TLL1: variants seen among roughly 807,000 people sequenced by gnomAD.
The protein encoded by TLL1 is tolloid like 1, also known as tolloid-like protein 1.
In TLL1, 49 loss-of-function variants were observed where a neutral mutation model predicts 128.2. That is an observed-to-expected ratio of 0.38 (90% CI 0.30 to 0.48). The LOEUF (loss-of-function observed/expected upper bound fraction) is 0.48. Among genes scored for constraint, TLL1 ranks in the 20% least tolerant of loss-of-function variants. The pLI is 0.96. For missense variants in TLL1, 1,123 were observed against 1,242.0 expected (o/e 0.90, Z 1.44); for synonymous variants, 454 against 418.8 (o/e 1.08, Z -1.03).
chr4:165,956,532 AG>A (rs1251730887), intron 1 of TLL1, among the ~76,000 whole-genome samples: 2 of 151,984 alleles, frequency 1.3e-5, no homozygotes, highest in African/African-American at 4.8e-5. Context: ...CAAGAAGAAA[AG>A]TGACTTTTTT....
chr4:165,988,804 T>C (rs527882187), intron 1 of TLL1, among the ~76,000 whole-genome samples: 4 of 152,196 alleles, frequency 2.6e-5, no homozygotes, highest in Middle Eastern at 6.8e-3. Context: ...TTGGTAGTTA[T>C]ATATCCATTT....
At chr4:165,938,989 C>A (rs1050456369) in intron 1 of TLL1, among the ~76,000 whole-genome samples, 6 of 151,050 alleles carry the variant, frequency 4.0e-5, no homozygotes, top group South Asian at 2.1e-4. Flanking sequence ...CCTCAGAATT[C>A]TTTTTCTCTC....
In TLL1 at chr4:165,938,052, A is replaced by G. The variant is rs149676858; in HGVS notation, c.170-51329A>G. On this transcript the variant is annotated intron_variant, in intron 1 of 20. Transcript: ENST00000061240. ...TAGATTATGTATTAACGTTGGCATT[A>G]CGGGTTGATACTTTCTGGTACACCA... 4.6e-3 allele frequency among the ~76,000 whole-genome samples: 698 copies of G among 152,098 alleles called. 7 individuals carry two copies. Among genetic ancestry groups the G allele is most frequent in the African/African-American group, 0.016 (660 of 41,522 alleles).
At chr4:165,884,993 A>G (rs980870518) in intron 1 of TLL1, among the ~76,000 whole-genome samples, 6 of 152,150 alleles carry the variant, frequency 3.9e-5, no homozygotes, top group Non-Finnish European at 8.8e-5. Flanking sequence ...TTCTACATTT[A>G]TAGGTCAGTA....
At chr4:166,012,876 T>C (rs995199455) in intron 7 of TLL1, among the ~76,000 whole-genome samples, 2 of 151,786 alleles carry the variant, frequency 1.3e-5, no homozygotes, top group African/African-American at 4.8e-5. Flanking sequence ...TAGTGTTATC[T>C]ATAGATCAGT....
At chr4:165,976,630 TTAGATA>T (rs1391435056) in intron 1 of TLL1, among the ~76,000 whole-genome samples, 14 of 152,190 alleles carry the variant, frequency 9.2e-5, no homozygotes, top group African/African-American at 3.4e-4. Context: ...ACTAATTCTA[TTAGATA>T]TAAAGATTCA....
chr4:165,887,351 C>T (rs1731209088), intron 1 of TLL1, among the ~76,000 whole-genome samples: 1 of 151,948 alleles, frequency 6.6e-6, no homozygotes, highest in Admixed American at 6.6e-5. Flanking sequence ...TGTCAGTAGC[C>T]ACAGAAAAGA....
At chr4:165,934,317 A>G (rs1017409611) in intron 1 of TLL1, among the ~76,000 whole-genome samples, 2 of 151,612 alleles carry the variant, frequency 1.3e-5, no homozygotes, top group Admixed American at 1.3e-4. Context: ...GCTTGGCCTC[A>G]TTCTCCATTT....
intron 7 of TLL1, among the ~76,000 whole-genome samples, chr4:166,013,249 A>G (rs977606792): frequency 2.6e-5 from 4 of 151,770 alleles, no homozygotes; most frequent in African/African-American, 4.8e-5. Flanking sequence ...GATAGTACCT[A>G]TTACTACCTG....
rs754710595 is a variant in TLL1, at chr4:166,025,440, T to A, written c.1158+9T>A. 1 of 1,567,998 alleles carries A rather than the reference T, an allele frequency of 6.4e-7. No individual in the cohort carries two copies. Among genetic ancestry groups the A allele is most frequent in the East Asian group, 2.2e-5 (1 of 44,576 alleles). ...TGACCCCAGGGGAGAAGGTAGTTTA[T>A]ACCGTCAAGCCCACTATTTTATTCT... On this transcript the variant is annotated intron_variant, in intron 9 of 20. Coordinates refer to ENST00000061240, the MANE Select transcript of TLL1 (RefSeq NM_012464.5).
At chr4:166,048,238 GAA>G (rs56801648) in intron 12 of TLL1, among the ~76,000 whole-genome samples, 4,471 of 100,542 alleles carry the variant, frequency 0.044, 257 homozygotes, top group African/African-American at 0.14. Context: ...TTCCGTCTCG[GAA>G]AAAAAAAAAA....
intron 19 of TLL1, among the ~76,000 whole-genome samples, chr4:166,091,871 C>T (rs1424011486): frequency 6.6e-6 from 1 of 152,088 alleles, no homozygotes; most frequent in South Asian, 2.1e-4. Flanking sequence ...CTAATTTACT[C>T]TTACAGATTT....
intron 1 of TLL1, among the ~76,000 whole-genome samples, chr4:165,929,529 C>A (rs1169094809): frequency 1.5e-5 from 2 of 131,414 alleles, no homozygotes; most frequent in African/African-American, 2.6e-5. Context: ...CAAAGCAAGA[C>A]TCCATCTCAA....
chr4:165,877,059 A>G (rs765686952), intron 1 of TLL1, among the ~76,000 whole-genome samples: 1 of 152,242 alleles, frequency 6.6e-6, no homozygotes, highest in Non-Finnish European at 1.5e-5. Context: ...TTTCTAAACA[A>G]GATCAAACGT....
intron 1 of TLL1, among the ~76,000 whole-genome samples, chr4:165,933,252 A>G (rs1450552929): frequency 6.6e-6 from 1 of 152,118 alleles, no homozygotes; most frequent in Non-Finnish European, 1.5e-5. Flanking sequence ...CTGAGATGTT[A>G]TCTGGGTACA....
In TLL1 at chr4:166,055,155, G is replaced by A. The variant is rs200511852; in HGVS notation, c.1604G>A (p.Arg535His). 9.4e-5 allele frequency: 151 copies of A among 1,613,420 alleles called. No individual in the cohort carries two copies. Among genetic ancestry groups the A allele is most frequent in the South Asian group, 4.7e-4 (43 of 91,030 alleles). Reference sequence around the variant, plus strand: ...AGTGAAAATAGCCCTTTGATAGGGCGTTTCTGTGGTTATGACAAACCTGAA... The same window carrying A: ...AGTGAAAATAGCCCTTTGATAGGGCATTTCTGTGGTTATGACAAACCTGAA... ...GTSENSPLIG[R>H]FCGYDKPEDI... Residue 535 changes from arginine to histidine, a missense_variant, in exon 13 of 21, where the codon CGT becomes CAT. Arg to His is a conservative substitution (Grantham distance 29, BLOSUM62 0). This residue lies in a region of TLL1 where 634 missense variants were observed against 672.4 expected (regional missense o/e 0.94). Transcript: ENST00000061240.
Position 166,024,230 on chromosome 4 carries a change from A to G in TLL1, c.1043-1086A>G, listed in dbSNP as rs372976507. Among the ~76,000 whole-genome samples the G allele has an allele frequency of 1.4e-4, 22 of 152,290 alleles. No homozygotes were observed. The East Asian group carries it at 3.7e-3, about 25-fold the overall frequency. ...TACCTATTTTTCTGAATAAACATTT[A>G]TATCATATCTATTTTTAGAGCTCTA... is the stretch of plus-strand genomic sequence containing the variant. On this transcript the variant is annotated intron_variant, in intron 8 of 20. Coordinates refer to ENST00000061240, the MANE Select transcript of TLL1 (RefSeq NM_012464.5).
At chr4:165,903,916 T>G (rs1732129274) in intron 1 of TLL1, among the ~76,000 whole-genome samples, 1 of 152,136 alleles carries the variant, frequency 6.6e-6, no homozygotes, top group African/African-American at 2.4e-5. Context: ...TATAGGGTTT[T>G]TTTGGTATAA....
In TLL1 at chr4:165,994,466, T is replaced by C. The variant is rs747799042; in HGVS notation, c.447T>C (p.Ala149=). ...QNEKNRVPRA[A]TSRTERIWPG... ...AGAAAAATCGAGTTCCCAGAGCCGC[T>C]ACATCAAGAACGGAAAGAATATGGC... is the stretch of plus-strand genomic sequence containing the variant. The change falls in exon 4 of 21, where the codon GCT becomes GCC. Residue 149 remains alanine, a synonymous_variant. Transcript: ENST00000061240. 6.2e-7 allele frequency: 1 copy of C among 1,614,022 alleles called. No individual in the cohort carries two copies. The highest frequency in any genetic ancestry group is 1.1e-5 in the South Asian group (1 of 91,072).
Sources: allele counts gnomAD v4.1 joint callset (sites outside exome capture counted in the v4.1 genomes callset), GRCh38; gene constraint gnomAD v4.1.1; regional missense constraint gnomAD v4.1.1; transcripts MANE v1.5; gene names NCBI Gene and HGNC (gene_info 2026-07-23, HGNC 2026-07-21).